The following FBXO31 variants were observed in gnomAD, a reference collection of about 807,000 sequenced individuals.
FBXO31 encodes the protein F-box only protein 31.
FBXO31 carries 24 observed loss-of-function variants against 54.4 expected under a neutral mutation model. The observed-to-expected ratio is 0.44, with a 90% CI of 0.32 to 0.62. FBXO31 has a LOEUF of 0.62. Ranked by LOEUF, FBXO31 falls within the 20% of genes least tolerant of loss-of-function variation. FBXO31 has a pLI of 0.05. For missense variants in FBXO31, 665 were observed against 787.1 expected (o/e 0.84, Z 1.86); for synonymous variants, 388 against 335.6 (o/e 1.16, Z -1.71).
chr16:87,335,160 C>G lies in FBXO31; in HGVS notation c.996+144G>C, dbSNP rs946120326. On this transcript the variant is annotated intron_variant, in intron 7 of 8. Transcript: ENST00000311635. This position sits in a 1 kb window ranked among gnomAD's most constrained non-coding sequence, Gnocchi z 5.7. ...TGGCTGGGGCCCGAGAATCTGCTTT[C>G]CCAAGCTCCCGGGGCTGCAGGTGCA... The G allele has an allele frequency of 8.4e-7, 1 of 1,190,788 alleles. No individual in the cohort carries two copies. Among genetic ancestry groups the G allele is most frequent in the African/African-American group, 1.5e-5 (1 of 66,310 alleles). The allele number at this position is 1,190,788 out of a possible 1,614,324, so 73.8% of individuals were successfully genotyped here. A position where few individuals can be genotyped will look rare whatever the true frequency, so the allele number is the denominator to read the frequency against.
upstream of FBXO31, chr16:87,392,039 G>A (rs566972571): frequency 2.4e-4 from 46 of 190,904 alleles, no homozygotes; most frequent in African/African-American, 1.0e-3. Flanking sequence ...GCAGGCTCCC[G>A]AGCGCCCACA....
chr16:87,380,502 A>G (rs1247350761), intron 1 of FBXO31, among the ~76,000 whole-genome samples: 2 of 152,228 alleles, frequency 1.3e-5, no homozygotes, highest in African/African-American at 2.4e-5. Context: ...CCTCAGGGTC[A>G]GGTGATCCTC....
intron 1 of FBXO31, among the ~76,000 whole-genome samples, chr16:87,366,164 A>G (rs1475904403): frequency 6.6e-6 from 1 of 152,216 alleles, no homozygotes; most frequent in African/African-American, 2.4e-5. Flanking sequence ...CTGGGAGAAG[A>G]AAAGGATGTG....
At chr16:87,366,440 C>A (rs908292700) in intron 1 of FBXO31, among the ~76,000 whole-genome samples, 15 of 152,102 alleles carry the variant, frequency 9.9e-5, no homozygotes, top group African/African-American at 3.6e-4. Context: ...AGGGCCCAGA[C>A]AGAGGTGAAG....
upstream of FBXO31, chr16:87,392,021 G>A (rs1482597114): frequency 5.6e-6 from 1 of 178,268 alleles, no homozygotes; most frequent in Non-Finnish European, 1.2e-5. Context: ...TCTCCTCAGG[G>A]CCGGGCAGCA....
rs750594365 is a variant in FBXO31, at chr16:87,335,628, C to A, written c.843-171G>T. ...GCAGCAATGCGCCCAGGGGAGCCCT[C>A]ACCCCCACCACCCACCAGCACGCAC... On this transcript the variant is annotated intron_variant, in intron 6 of 8. Transcript: ENST00000311635. This position sits in a 1 kb window ranked among gnomAD's most constrained non-coding sequence, Gnocchi z 5.7. 1.1e-4 allele frequency among the ~76,000 whole-genome samples: 16 copies of A among 152,166 alleles called. No individual in the cohort carries two copies. Among genetic ancestry groups the A allele is most frequent in the Non-Finnish European group, 2.4e-4 (16 of 68,018 alleles).
chr16:87,368,059 G>A (rs529816054), intron 1 of FBXO31: 1 of 152,316 alleles, frequency 6.6e-6, no homozygotes, highest in South Asian at 2.1e-4. Context: ...ATCATTCTCT[G>A]TATACCTCAC....
intron 8 of FBXO31, 132 bp downstream of exon 8, chr16:87,333,754 T>C: frequency 7.3e-7 from 1 of 1,372,540 alleles, no homozygotes; most frequent in Non-Finnish European, 9.9e-7. Flanking sequence ...GCCGCACTCC[T>C]GTCCCAAAGC....
chr16:87,337,701 T>C (rs1905076641), intron 5 of FBXO31, among the ~76,000 whole-genome samples: 2 of 83,948 alleles, frequency 2.4e-5, no homozygotes, highest in African/African-American at 5.9e-5. Flanking sequence ...GCTCCGTCAG[T>C]TGGGTTTTCA....
intron 8 of FBXO31, among the ~76,000 whole-genome samples, chr16:87,332,562 C>T (rs1904897247): frequency 6.6e-6 from 1 of 152,336 alleles, no homozygotes; most frequent in East Asian, 1.9e-4. Flanking sequence ...TTGTATGCCT[C>T]TCTCTGTAAA....
At chr16:87,379,823 G>A (rs532818025) in intron 1 of FBXO31, among the ~76,000 whole-genome samples, 3 of 151,718 alleles carry the variant, frequency 2.0e-5, no homozygotes, top group Admixed American at 2.0e-4. Flanking sequence ...CCTGATCTCG[G>A]GTGATCTGCC....
chr16:87,343,243 C>G (rs1905247919), intron 4 of FBXO31, among the ~76,000 whole-genome samples: 1 of 152,258 alleles, frequency 6.6e-6, no homozygotes, highest in South Asian at 2.1e-4. Context: ...TGGCAGATGA[C>G]ACGCTGTGCT....
chr16:87,334,176 G>T lies in FBXO31; in HGVS notation c.1107C>A (p.Ile369=), dbSNP rs555424069. ...GCACCCTCTCGCGCACCTCCAGGAC[G>T]ATGCGGGAGAGCTCATTGAAGTTGC... ...NQRNFNELSR[I]VLEVRERVRQ... The change falls in exon 8 of 9, where the codon ATC becomes ATA. Residue 369 remains isoleucine, a synonymous_variant. Transcript: ENST00000311635. 7 of 1,612,872 alleles carry T rather than the reference G, an allele frequency of 4.3e-6. No individual in the cohort carries two copies. Among genetic ancestry groups the T allele is most frequent in the South Asian group, 2.2e-5 (2 of 91,040 alleles).
intron 1 of FBXO31, among the ~76,000 whole-genome samples, chr16:87,376,321 TGGAGTGCA>T (rs1906823414): frequency 6.6e-6 from 1 of 151,924 alleles, no homozygotes; most frequent in African/African-American, 2.4e-5. Flanking sequence ...TCGCCCAGGC[TGGAGTGCA>T]GTGGCGCGAT....
Position 87,334,068 on chromosome 16 carries a change from G to C in FBXO31, c.1215C>G (p.Ala405=). Residue 405 remains alanine (A), a synonymous_variant, in exon 8 of 9, where the codon GCC becomes GCG. Transcript: ENST00000311635. ...TGCTGGGCGCCTCTGCCCTGGGCTG[G>C]GCAGGGCTTGGCTGGGACTCCCGGG... ...QGPRESQPSP[A]QPRAEAPSKG... The C allele has an allele frequency of 6.2e-7, 1 of 1,611,122 alleles. No individual in the cohort carries two copies. The highest frequency in any genetic ancestry group is 8.5e-7 in the Non-Finnish European group (1 of 1,178,858).
At chr16:87,372,553 A>G (rs1906647653) in intron 1 of FBXO31, among the ~76,000 whole-genome samples, 1 of 151,940 alleles carries the variant, frequency 6.6e-6, no homozygotes, top group African/African-American at 2.4e-5. Flanking sequence ...AACAAGAATC[A>G]TGAAGCATTT....
chr16:87,374,274 G>A (rs911739920), intron 1 of FBXO31, among the ~76,000 whole-genome samples: 5 of 152,014 alleles, frequency 3.3e-5, no homozygotes, highest in African/African-American at 1.2e-4. Context: ...GGAAAATGTG[G>A]TAAGTTGAAA....
rs1218512025 is a variant in FBXO31, at chr16:87,338,461, T to C, written c.733-2197A>G. Among the ~76,000 whole-genome samples the C allele has an allele frequency of 1.2e-5, 1 of 81,600 alleles. No homozygotes were observed. Among genetic ancestry groups the C allele is most frequent in the African/African-American group, 5.3e-5 (1 of 18,700 alleles). 53.5% of individuals were successfully genotyped at this position (81,600 alleles called of 152,430 possible). A position where few individuals can be genotyped will look rare whatever the true frequency, so the allele number is the denominator to read the frequency against. ...CTGAGATTTCCAAAAGCCTCAGTCT[T>C]GGGGCGGGGGAGGCGGGCCTGAAAC... On this transcript the variant is annotated intron_variant, in intron 5 of 8. Coordinates refer to ENST00000311635, the MANE Select transcript of FBXO31 (RefSeq NM_024735.5). This position sits in a 1 kb window ranked among gnomAD's most constrained non-coding sequence, Gnocchi z 4.3.
chr16:87,337,942 G>T (rs1457637538), intron 5 of FBXO31, among the ~76,000 whole-genome samples: 1 of 152,020 alleles, frequency 6.6e-6, no homozygotes, highest in Non-Finnish European at 1.5e-5. Context: ...TTCACAAATT[G>T]GACCTCATCA....
Sources: gnomAD v4.1 joint callset for allele counts (sites outside exome capture counted in the v4.1 genomes callset) on GRCh38, gnomAD v4.1.1 for gene constraint, Gnocchi (gnomAD v3.1) non-coding constraint, MANE v1.5 for transcripts, NCBI Gene and HGNC (gene_info 2026-07-23, HGNC 2026-07-21) for gene names.